Variants in ADAMTS2 observed in about 807,000 individuals in gnomAD.
ADAMTS2 encodes A disintegrin and metalloproteinase with thrombospondin motifs 2.
Under a neutral mutation model 123.0 loss-of-function variants are expected in ADAMTS2, and 50 were observed. The ratio of observed to expected loss-of-function variants is 0.41; its 90% confidence interval spans 0.32 to 0.51. The LOEUF (loss-of-function observed/expected upper bound fraction) is 0.51. Ranked by LOEUF, ADAMTS2 falls within the 20% of genes least tolerant of loss-of-function variation. The pLI is 0.35. For synonymous variants in ADAMTS2, 678 were observed against 695.4 expected, an observed-to-expected ratio of 0.98 and a Z score of 0.39; for missense variants, 1,494 against 1,705.2, an observed-to-expected ratio of 0.88 and a Z score of 2.18.
intron 5 of ADAMTS2, among the ~76,000 whole-genome samples, chr5:179,164,879 C>G (rs1470276929): frequency 6.6e-6 from 1 of 152,186 alleles, no homozygotes; most frequent in Non-Finnish European, 1.5e-5. Flanking sequence ...TCCTCCCACT[C>G]CATGAGAGCT....
At chr5:179,119,994 A>T (rs1235542874) in intron 21 of ADAMTS2, among the ~76,000 whole-genome samples, 1 of 151,982 alleles carries the variant, frequency 6.6e-6, no homozygotes, top group East Asian at 1.9e-4. Flanking sequence ...TGGGGAGGGG[A>T]GATACACCTT....
At chr5:179,143,928 T>C (rs1763213873) in intron 10 of ADAMTS2, among the ~76,000 whole-genome samples, 1 of 152,194 alleles carries the variant, frequency 6.6e-6, no homozygotes, top group African/African-American at 2.4e-5. Flanking sequence ...GAGTCTGTCA[T>C]TTCTCCCTTA....
chr5:179,263,789 A>G (rs1312265264), intron 3 of ADAMTS2, among the ~76,000 whole-genome samples: 5 of 152,262 alleles, frequency 3.3e-5, no homozygotes, highest in Non-Finnish European at 5.9e-5. Flanking sequence ...AGCAGGAGAG[A>G]GAGAAGACAG....
intron 2 of ADAMTS2, among the ~76,000 whole-genome samples, chr5:179,330,128 G>A (rs1287072831): frequency 3.1e-4 from 31 of 99,108 alleles, no homozygotes; most frequent in South Asian, 5.0e-4. Context: ...GCGAGACTCC[G>A]TCTCAAAAAA....
At chr5:179,152,075 G>A in intron 10 of ADAMTS2, 67 bp downstream of exon 10, 1 of 1,441,944 alleles carries the variant, frequency 6.9e-7, no homozygotes, top group Non-Finnish European at 9.7e-7. Context: ...TGTCCCTGGT[G>A]ACCCGGGCAC....
rs535017530 is a variant in ADAMTS2 at position 179,114,035 on chromosome 5, T to G, written c.3468A>C (p.Pro1156=). 6.2e-7 allele frequency: 1 copy of G among 1,614,188 alleles called. No individual in the cohort carries two copies. The highest frequency in any genetic ancestry group is 1.3e-5 in the African/African-American group (1 of 75,044). ...AGGGTTCATCTACGGCATTGGTTTC[T>G]GGGTGATCCTCTGTGGCATTGGTGC... The part of the protein sequence containing the change: ...ASSTNATEDH[P]ETNAVDEPYK... The change falls in exon 22 of 22, where the codon CCA becomes CCC. Residue 1156 remains proline, a synonymous_variant. Coordinates refer to ENST00000251582, the MANE Select transcript of ADAMTS2 (RefSeq NM_014244.5).
intron 4 of ADAMTS2, among the ~76,000 whole-genome samples, chr5:179,196,502 C>G (rs533659188): frequency 6.6e-6 from 1 of 152,352 alleles, no homozygotes; most frequent in East Asian, 1.9e-4. Context: ...CTCTGCCGTT[C>G]TACAGCGGTT....
intron 6 of ADAMTS2, among the ~76,000 whole-genome samples, chr5:179,156,716 TG>T: frequency 6.6e-6 from 1 of 152,320 alleles, no homozygotes; most frequent in East Asian, 1.9e-4. Context: ...AATGGTTTGT[TG>T]TTCTCTAATT....
In ADAMTS2 at chr5:179,198,950, G is replaced by A. The variant is rs369566392; in HGVS notation, c.891+8563C>T. Among the ~76,000 whole-genome samples, 16 of 152,208 alleles carry A rather than the reference G, an allele frequency of 1.1e-4. No homozygotes were observed. In the East Asian group the frequency reaches 2.5e-3, roughly 24 times the overall value. ...GTGCCCTCTTAGCACGGCTGGCTTC[G>A]CCTGGGCCTCAGAGGTGTGTGGACA... On this transcript the variant is annotated intron_variant, in intron 4 of 21. Coordinates refer to ENST00000251582, the MANE Select transcript of ADAMTS2 (RefSeq NM_014244.5).
rs116536954 is a variant in ADAMTS2, at chr5:179,293,501, A to G, written c.535-20437T>C. ...GAGTGTGCCAACGCCTCCGGGCCAC[A>G]GCCCAGGACAAGCGTGGGACATCAG... On this transcript the variant is annotated intron_variant, in intron 2 of 21. Coordinates refer to ENST00000251582, the MANE Select transcript of ADAMTS2 (RefSeq NM_014244.5). Among the ~76,000 whole-genome samples, 458 of 152,376 alleles carry G rather than the reference A, an allele frequency of 3.0e-3. 1 individual carries two copies. The highest frequency in any genetic ancestry group is 0.01 in the African/African-American group (434 of 41,594).
chr5:179,226,106 G>A (rs1257736868), intron 3 of ADAMTS2, among the ~76,000 whole-genome samples: 9 of 152,312 alleles, frequency 5.9e-5, no homozygotes, highest in East Asian at 1.9e-4. Flanking sequence ...CCCATAGCAC[G>A]CCCTGCGAGG....
In ADAMTS2 at chr5:179,345,117, G is replaced by A; in HGVS notation, c.139+73C>T. 9.8e-7 allele frequency: 1 copy of A among 1,020,934 alleles called. No individual in the cohort carries two copies. Among genetic ancestry groups the A allele is most frequent in the Non-Finnish European group, 1.2e-6 (1 of 843,666 alleles). 63.2% of individuals were successfully genotyped at this position (1,020,934 alleles called of 1,614,324 possible). A position where few individuals can be genotyped will look rare whatever the true frequency, so the allele number is the denominator to read the frequency against. On this transcript the variant is annotated intron_variant, in intron 1 of 21. Coordinates refer to ENST00000251582, the MANE Select transcript of ADAMTS2 (RefSeq NM_014244.5). This position sits in a 1 kb window ranked among gnomAD's most constrained non-coding sequence, Gnocchi z 7.5. The stretch of plus-strand genomic sequence containing the variant: ...AGTCAGGCTGGACGACGCCTGGGGA[G>A]GGGGCGGCGGGGCACGCGGGACAGG...
chr5:179,137,695 G>A, intron 12 of ADAMTS2, 74 bp downstream of exon 12: 1 of 1,518,286 alleles, frequency 6.6e-7, no homozygotes. Context: ...CAGGATCAGA[G>A]GCACAAGCCC....
rs368161085 is a variant in ADAMTS2, at chr5:179,293,141, G to A, written c.535-20077C>T. Among the ~76,000 whole-genome samples the A allele has an allele frequency of 9.3e-4, 142 of 152,266 alleles. 2 individuals are homozygous for A. Among genetic ancestry groups the A allele is most frequent in the African/African-American group, 2.8e-3 (117 of 41,542 alleles). ...CCTGAAGCCGCTCCTCCTTGTCCAC[G>A]GGGAAGACAGTCTGACCCCACTTTC... On this transcript the variant is annotated intron_variant, in intron 2 of 21. Coordinates refer to ENST00000251582, the MANE Select transcript of ADAMTS2 (RefSeq NM_014244.5).
At chr5:179,283,000 C>T (rs1419765345) in intron 2 of ADAMTS2, among the ~76,000 whole-genome samples, 1 of 152,144 alleles carries the variant, frequency 6.6e-6, no homozygotes, top group Non-Finnish European at 1.5e-5. Context: ...GGGATGGCTT[C>T]AACCCTGCTG....
intron 5 of ADAMTS2, among the ~76,000 whole-genome samples, chr5:179,172,542 G>A (rs953219483): frequency 9.8e-5 from 15 of 152,346 alleles, no homozygotes; most frequent in African/African-American, 3.4e-4. Context: ...GGCAGCCTGC[G>A]TCCTCACTCC....
chr5:179,178,370 T>A (rs893474634), intron 5 of ADAMTS2, among the ~76,000 whole-genome samples: 2 of 152,138 alleles, frequency 1.3e-5, no homozygotes, highest in African/African-American at 4.8e-5. Flanking sequence ...GCCACAAACC[T>A]GGGATAGAGG....
Position 179,132,994 on chromosome 5 carries a change from A to G in ADAMTS2, c.2086-94T>C. The G allele has an allele frequency of 6.6e-7, 1 of 1,518,400 alleles. No individual in the cohort carries two copies. The highest frequency in any genetic ancestry group is 1.2e-5 in the South Asian group (1 of 84,064). 94.1% of individuals were successfully genotyped at this position (1,518,400 alleles called of 1,614,324 possible). Reference sequence around the variant, plus strand: ...CCCCAGTCTCGAACACCTGGCCTCAAGCGATCCTCCTGCCTTGGCCTCCCA... The same window carrying G: ...CCCCAGTCTCGAACACCTGGCCTCAGGCGATCCTCCTGCCTTGGCCTCCCA... On this transcript the variant is annotated intron_variant, in intron 13 of 21. Coordinates refer to ENST00000251582, the MANE Select transcript of ADAMTS2 (RefSeq NM_014244.5). The surrounding 1 kb of genome is among the most constrained non-coding windows in gnomAD (Gnocchi z 6.1).
At chr5:179,187,069 GC>G (rs61546265) in intron 4 of ADAMTS2, among the ~76,000 whole-genome samples, 1,603 of 152,178 alleles carry the variant, frequency 0.011, 38 homozygotes, top group African/African-American at 0.037. Context: ...AGCCCAGCCA[GC>G]CTTCCCCAGA....
Sources: gnomAD v4.1 joint callset for allele counts (sites outside exome capture counted in the v4.1 genomes callset) on GRCh38, gnomAD v4.1.1 for gene constraint, Gnocchi (gnomAD v3.1) non-coding constraint, MANE v1.5 for transcripts, NCBI Gene and HGNC (gene_info 2026-07-23, HGNC 2026-07-21) for gene names.